CWC27: variants seen among roughly 807,000 people sequenced by gnomAD.
CWC27 encodes the protein spliceosome-associated protein CWC27 homolog.
In CWC27, 47 loss-of-function variants were observed where a neutral mutation model predicts 63.6. The ratio of observed to expected loss-of-function variants is 0.74; its 90% CI spans 0.58 to 0.94. The LOEUF is 0.94. CWC27 is among the 40% of genes least tolerant of loss of function. The pLI, the probability that CWC27 is intolerant of heterozygous loss-of-function variation, is 0.00. For missense variants in CWC27, 495 were observed against 554.3 expected (o/e 0.89, Z 1.07); for synonymous variants, 175 against 179.8 (o/e 0.97, Z 0.22).
chr5:64,964,289 A>G (rs1748974484), intron 11 of CWC27, among the ~76,000 whole-genome samples: 1 of 152,222 alleles, frequency 6.6e-6, no homozygotes, highest in African/African-American at 2.4e-5. Context: ...ATTCATTAGC[A>G]AAATGATATG....
rs149923123 is a variant in CWC27 at position 64,859,575 on chromosome 5, T to A, written c.939-25868T>A. On this transcript the variant is annotated intron_variant, in intron 10 of 13. Transcript: ENST00000381070. ...ATACCAAAGCTAGGCAAACACAGTA[T>A]AAGAATTGATAGTAGAATGGCAAGT... Among the ~76,000 whole-genome samples, 344 of 152,240 alleles carry A rather than the reference T, an allele frequency of 2.3e-3. 1 individual carries two copies. The highest frequency in any genetic ancestry group is 7.9e-3 in the African/African-American group (327 of 41,550).
Position 64,813,349 on chromosome 5 carries a change from A to G in CWC27, c.938+8963A>G, listed in dbSNP as rs577265677. The stretch of plus-strand genomic sequence containing the variant: ...AAAGTGCCTATTCAGTTCATTGAGA[A>G]CCAGTTAATCCGTATCCAAGGAATC... On this transcript the variant is annotated intron_variant, in intron 10 of 13. Transcript: ENST00000381070. 2.0e-5 allele frequency among the ~76,000 whole-genome samples: 3 copies of G among 152,304 alleles called. No individual in the cohort carries two copies. In the South Asian group the frequency reaches 6.2e-4, roughly 32 times the overall value.
intron 10 of CWC27, among the ~76,000 whole-genome samples, chr5:64,842,762 G>A (rs1156975959): frequency 3.3e-5 from 5 of 151,890 alleles, no homozygotes; most frequent in East Asian, 3.9e-4. Flanking sequence ...CACCATGCCC[G>A]GCTTATTTTT....
intron 11 of CWC27, among the ~76,000 whole-genome samples, chr5:64,912,150 T>C (rs1303497309): frequency 6.6e-6 from 1 of 151,862 alleles, no homozygotes; most frequent in Non-Finnish European, 1.5e-5. Flanking sequence ...ATAATCTCAG[T>C]ACCTGAAATT....
chr5:64,857,170 G>A (rs1580678432), intron 10 of CWC27, among the ~76,000 whole-genome samples: 1 of 152,152 alleles, frequency 6.6e-6, no homozygotes, highest in African/African-American at 2.4e-5. Context: ...TTTATTATTA[G>A]TTTAAATTTC....
At chr5:64,960,823 G>T (rs961189155) in intron 11 of CWC27, among the ~76,000 whole-genome samples, 6 of 151,816 alleles carry the variant, frequency 4.0e-5, no homozygotes, top group Admixed American at 6.6e-5. Flanking sequence ...ATGTTGTTCA[G>T]GCTGGCTTTG....
chr5:64,863,477 C>A (rs1358305216), intron 10 of CWC27, among the ~76,000 whole-genome samples: 1 of 151,872 alleles, frequency 6.6e-6, no homozygotes, highest in Non-Finnish European at 1.5e-5. Flanking sequence ...CTCTTCCCAT[C>A]CCCTCTCCTC....
At chr5:65,017,897 G>T (rs1408839995) in intron 13 of CWC27, among the ~76,000 whole-genome samples, 1 of 152,206 alleles carries the variant, frequency 6.6e-6, no homozygotes, top group African/African-American at 2.4e-5. Context: ...CCTCCCAACA[G>T]GGGAGAAACC....
intron 11 of CWC27, among the ~76,000 whole-genome samples, chr5:64,958,520 C>T (rs1748843855): frequency 6.6e-6 from 1 of 152,116 alleles, no homozygotes; most frequent in Non-Finnish European, 1.5e-5. Flanking sequence ...ATTAAGCATT[C>T]AGTAGCATGT....
At chr5:64,864,233 A>G (rs1746483882) in intron 10 of CWC27, among the ~76,000 whole-genome samples, 1 of 152,190 alleles carries the variant, frequency 6.6e-6, no homozygotes, top group African/African-American at 2.4e-5. Context: ...TACATAAATG[A>G]TAGCCATTAT....
intron 11 of CWC27, among the ~76,000 whole-genome samples, chr5:64,910,744 G>A (rs1414173899): frequency 6.6e-6 from 1 of 152,236 alleles, no homozygotes. Flanking sequence ...CTGTGGGCAT[G>A]GGACCAGCCG....
Position 64,991,479 on chromosome 5 carries a change from C to A in CWC27, c.1256+14241C>A, listed in dbSNP as rs145747558. Among the ~76,000 whole-genome samples, 30 of 152,350 alleles carry A rather than the reference C, an allele frequency of 2.0e-4. No homozygotes were observed. In the East Asian group the frequency reaches 5.8e-3, roughly 29 times the overall value. ...GTGGCTCACGCCTGTAATCCCAGCA[C>A]TTTGAGAGGCTGAGATGGGAGGACC... On this transcript the variant is annotated intron_variant, in intron 13 of 13. Transcript: ENST00000381070.
At chr5:64,882,126 C>T (rs1383218274) in intron 10 of CWC27, among the ~76,000 whole-genome samples, 1 of 152,096 alleles carries the variant, frequency 6.6e-6, no homozygotes, top group African/African-American at 2.4e-5. Flanking sequence ...CACATAATGA[C>T]AGCCTAAACT....
intron 11 of CWC27, among the ~76,000 whole-genome samples, chr5:64,909,023 G>A (rs146362812): frequency 0.018 from 2,675 of 152,142 alleles, 78 homozygotes; most frequent in African/African-American, 0.062. Context: ...GGCTGGTACC[G>A]GTTGTTCCTT....
chr5:64,865,389 G>A (rs1313406262), intron 10 of CWC27, among the ~76,000 whole-genome samples: 1 of 152,026 alleles, frequency 6.6e-6, no homozygotes, highest in Non-Finnish European at 1.5e-5. Context: ...CATAGTAGAA[G>A]TTAGTTAGTA....
intron 10 of CWC27, among the ~76,000 whole-genome samples, chr5:64,877,201 G>C (rs1746814330): frequency 6.6e-6 from 1 of 152,048 alleles, no homozygotes; most frequent in Non-Finnish European, 1.5e-5. Flanking sequence ...AGAAACTGTG[G>C]TGTACATACA....
chr5:64,952,061 G>GA (rs1748720632), intron 11 of CWC27, among the ~76,000 whole-genome samples: 1 of 151,906 alleles, frequency 6.6e-6, no homozygotes, highest in Admixed American at 6.6e-5. Context: ...AAAATCCTAA[G>GA]ATGCTCCAGT....
rs70983657 is a variant in CWC27, at chr5:64,990,266, G to GTT, written c.1256+13043_1256+13044dup. Among the ~76,000 whole-genome samples the GTT allele has an allele frequency of 2.7e-3, 90 of 33,240 alleles. 15 individuals carry two copies. The highest frequency in any genetic ancestry group is 8.3e-3 in the African/African-American group (74 of 8,884). 21.8% of individuals were successfully genotyped at this position (33,240 alleles called of 152,430 possible). A position where few individuals can be genotyped will look rare whatever the true frequency, so the allele number is the denominator to read the frequency against. ...TTTTTTTTTTGTTTTTTTTTTTTTT[G>GTT]TTTTTTTTTTTTTTTTGAGACGGAG... On this transcript the variant is annotated intron_variant, in intron 13 of 13. Transcript: ENST00000381070.
At position 64,868,227 on chromosome 5, in the gene CWC27, A is replaced by G. The variant is rs1217268895; in HGVS notation, c.939-17216A>G. On this transcript the variant is annotated intron_variant, in intron 10 of 13. Transcript: ENST00000381070. ...CTGAAAACTCTATGCTAACTGCAAC[A>G]ATGAAAGAACATTTAGCTTATAAAG... Among the ~76,000 whole-genome samples, 4 of 152,050 alleles carry G rather than the reference A, an allele frequency of 2.6e-5. No homozygotes were observed. In the East Asian group the frequency reaches 5.8e-4, roughly 22 times the overall value.
Sources: gnomAD v4.1 joint callset for allele counts (sites outside exome capture counted in the v4.1 genomes callset) on GRCh38, gnomAD v4.1.1 for gene constraint, MANE v1.5 for transcripts, NCBI Gene and HGNC (gene_info 2026-07-23, HGNC 2026-07-21) for gene names.